ULK4: variants seen among roughly 807,000 people sequenced by gnomAD.
The protein encoded by ULK4 is unc-51 like kinase 4, also known as inactive serine/threonine-protein kinase ULK4.
In ULK4, 133 loss-of-function variants were observed where a neutral mutation model predicts 160.6. The ratio of observed to expected loss-of-function variants is 0.83; its 90% confidence interval spans 0.72 to 0.96. The LOEUF (loss-of-function observed/expected upper bound fraction) is 0.96. Ranked by LOEUF, ULK4 falls within the 40% of genes least tolerant of loss-of-function variation. ULK4 has a pLI of 0.00. For synonymous variants in ULK4, 534 were observed against 539.8 expected (o/e 0.99, Z 0.15); for missense variants, 1,580 against 1,499.5 (o/e 1.05, Z -0.89).
chr3:41,323,833 C>A (rs190047725), intron 35 of ULK4, among the ~76,000 whole-genome samples: 75 of 152,178 alleles, frequency 4.9e-4, no homozygotes, highest in African/African-American at 1.5e-3. Context: ...CATAGAGAGA[C>A]TTTAGGATTT....
chr3:41,921,041 C>G (rs559266917), intron 5 of ULK4, among the ~76,000 whole-genome samples: 125 of 152,246 alleles, frequency 8.2e-4, no homozygotes, highest in Middle Eastern at 3.4e-3. Context: ...AAATGTGGAC[C>G]AGGCTCACAC....
intron 35 of ULK4, among the ~76,000 whole-genome samples, chr3:41,397,352 T>C (rs1053691234): frequency 1.3e-5 from 2 of 152,090 alleles, no homozygotes; most frequent in Non-Finnish European, 2.9e-5. Flanking sequence ...GATGAGAAAA[T>C]TTCCATTTTG....
intron 30 of ULK4, among the ~76,000 whole-genome samples, chr3:41,656,346 G>T (rs1025523451): frequency 6.6e-6 from 1 of 152,078 alleles, no homozygotes; most frequent in Non-Finnish European, 1.5e-5. Flanking sequence ...GATAAATGAA[G>T]TAACTTGGCC....
chr3:41,893,160 T>C (rs957076805), intron 16 of ULK4, among the ~76,000 whole-genome samples: 1 of 152,200 alleles, frequency 6.6e-6, no homozygotes, highest in East Asian at 1.9e-4. Context: ...GAAGTTACTG[T>C]TTAATGGGTA....
At chr3:41,583,191 T>C (rs1286981623) in intron 31 of ULK4, among the ~76,000 whole-genome samples, 1 of 152,156 alleles carries the variant, frequency 6.6e-6, no homozygotes, top group Non-Finnish European at 1.5e-5. Flanking sequence ...CTAAATGAGG[T>C]CTCAGAAAAG....
At chr3:41,385,737 T>C (rs981511768) in intron 35 of ULK4, among the ~76,000 whole-genome samples, 1 of 152,168 alleles carries the variant, frequency 6.6e-6, no homozygotes, top group Non-Finnish European at 1.5e-5. Context: ...TCATGATGTG[T>C]AGTTGGAAAA....
At chr3:41,484,492 A>G (rs376693868) in intron 32 of ULK4, among the ~76,000 whole-genome samples, 180 of 128,938 alleles carry the variant, frequency 1.4e-3, no homozygotes, top group Middle Eastern at 0.01. Flanking sequence ...TCGCTCTGTC[A>G]CCCAGGCTGG....
intron 35 of ULK4, among the ~76,000 whole-genome samples, chr3:41,272,904 T>C (rs2079163193): frequency 1.3e-5 from 2 of 152,194 alleles, no homozygotes; most frequent in Admixed American, 1.3e-4. Context: ...ATAGTTTTCA[T>C]TTCTAAAAGT....
At chr3:41,896,045 G>A (rs1698138733) in intron 15 of ULK4, among the ~76,000 whole-genome samples, 1 of 151,986 alleles carries the variant, frequency 6.6e-6, no homozygotes, top group Non-Finnish European at 1.5e-5. Flanking sequence ...CTTACCAACA[G>A]ACCAAGACAG....
rs544894902 is a variant in ULK4, at chr3:41,284,210, C to T, written c.3679-34636G>A. 1.1e-4 allele frequency among the ~76,000 whole-genome samples: 16 copies of T among 152,244 alleles called. No homozygotes were observed. The South Asian group carries it at 3.1e-3, about 30-fold the overall frequency. ...ATTCAATGCAATCCTCATCAAAATTCCACCATAATTCTTCACAAAATTAGA... is the reference window on the plus strand; with the variant it reads ...ATTCAATGCAATCCTCATCAAAATTTCACCATAATTCTTCACAAAATTAGA... On this transcript the variant is annotated intron_variant, in intron 35 of 36. Coordinates refer to ENST00000301831, the MANE Select transcript of ULK4 (RefSeq NM_017886.4).
chr3:41,828,963 A>G (rs575630310), intron 18 of ULK4, among the ~76,000 whole-genome samples: 122 of 151,338 alleles, frequency 8.1e-4, no homozygotes, highest in Non-Finnish European at 1.5e-3. Flanking sequence ...GATCAATGGA[A>G]CAGAACAGAG....
intron 35 of ULK4, among the ~76,000 whole-genome samples, chr3:41,368,068 G>A (rs940369734): frequency 6.7e-6 from 1 of 149,502 alleles, no homozygotes; most frequent in African/African-American, 2.5e-5. Flanking sequence ...TTTTTTTCGA[G>A]ATGGAGTCTC....
At chr3:41,470,031 A>AC (rs1352973365) in intron 32 of ULK4, among the ~76,000 whole-genome samples, 27 of 145,632 alleles carry the variant, frequency 1.9e-4, no homozygotes, top group Admixed American at 1.3e-3. Flanking sequence ...AAAAAAAAAA[A>AC]AAAAAAAAAA....
chr3:41,830,473 G>C lies in ULK4; in HGVS notation c.1764+5391C>G, dbSNP rs946257857. Among the ~76,000 whole-genome samples the C allele has an allele frequency of 7.2e-5, 11 of 152,116 alleles. No individual in the cohort carries two copies. The South Asian group carries it at 8.3e-4, about 12-fold the overall frequency. On this transcript the variant is annotated intron_variant, in intron 18 of 36. Transcript: ENST00000301831. ...GTAGGGGATTAAAAAGGGTGCTAAG[G>C]AAACTTTTGGAGGTGATAGGTTCAT...
intron 30 of ULK4, among the ~76,000 whole-genome samples, chr3:41,618,767 C>T (rs180685247): frequency 6.6e-5 from 10 of 152,156 alleles, no homozygotes; most frequent in African/African-American, 1.2e-4. Context: ...CAAATTCACA[C>T]GGAACAATAT....
chr3:41,941,299 A>G lies in ULK4; in HGVS notation c.139-3102T>C, dbSNP rs555587219. Among the ~76,000 whole-genome samples, 4 of 142,606 alleles carry G rather than the reference A, an allele frequency of 2.8e-5. No homozygotes were observed. The East Asian group carries it at 6.7e-4, about 24-fold the overall frequency. The allele number at this position is 142,606 out of a possible 152,430, so 93.6% of individuals were successfully genotyped here. A position where few individuals can be genotyped will look rare whatever the true frequency, so the allele number is the denominator to read the frequency against. The stretch of plus-strand genomic sequence containing the variant: ...ACGATCCTCCCACCTCAGCCTCCCA[A>G]AGTGCTGGGATTACAGGCATGAGTC... On this transcript the variant is annotated intron_variant, in intron 2 of 36. Transcript: ENST00000301831.
At chr3:41,958,250 T>C (rs1352764969) in intron 1 of ULK4, among the ~76,000 whole-genome samples, 3 of 152,194 alleles carry the variant, frequency 2.0e-5, no homozygotes, top group Non-Finnish European at 4.4e-5. Context: ...TAATATATTT[T>C]GCTTTTGCAA....
At chr3:41,881,776 G>C (rs1380647945) in intron 17 of ULK4, among the ~76,000 whole-genome samples, 1 of 152,062 alleles carries the variant, frequency 6.6e-6, no homozygotes, top group Non-Finnish European at 1.5e-5. Flanking sequence ...GAAGAGAACA[G>C]TACTGGAATA....
intron 19 of ULK4, among the ~76,000 whole-genome samples, chr3:41,818,823 T>C (rs2041050170): frequency 1.3e-5 from 2 of 152,212 alleles, no homozygotes; most frequent in South Asian, 2.1e-4. Context: ...ATGCCAACCT[T>C]TTAGGTTGGT....
Sources: allele counts gnomAD v4.1 joint callset (sites outside exome capture counted in the v4.1 genomes callset), GRCh38; gene constraint gnomAD v4.1.1; transcripts MANE v1.5; gene names NCBI Gene and HGNC (gene_info 2026-07-23, HGNC 2026-07-21).